The following HERC1 variants were observed in gnomAD, a reference collection of about 807,000 sequenced individuals.
HERC1 encodes HECT and RLD domain containing E3 ubiquitin protein ligase family member 1.
HERC1 carries 160 observed loss-of-function variants against 554.3 expected under a neutral mutation model. The ratio of observed to expected loss-of-function variants is 0.29; its 90% CI spans 0.25 to 0.33. HERC1 has a LOEUF of 0.33. Ranked by LOEUF, HERC1 falls within the 10% of genes least tolerant of loss-of-function variation. The pLI, the probability that HERC1 is intolerant of heterozygous loss-of-function variation, is 1.00. For missense variants in HERC1, 4,919 were observed against 5,918.5 expected, an observed-to-expected ratio of 0.83 and a Z score of 5.54; for synonymous variants, 2,175 against 2,131.7, an observed-to-expected ratio of 1.02 and a Z score of -0.56.
At chr15:63,665,882 A>C in intron 42 of HERC1, 37 bp downstream of exon 42, 1 of 1,487,046 alleles carries the variant, frequency 6.7e-7, no homozygotes, top group Non-Finnish European at 9.3e-7. Context: ...TGAAATTTAT[A>C]ACACATGGAA....
At chr15:63,753,376 T>C (rs2075313383) in intron 7 of HERC1, among the ~76,000 whole-genome samples, 2 of 152,226 alleles carry the variant, frequency 1.3e-5, no homozygotes, top group Non-Finnish European at 2.9e-5. Flanking sequence ...CCCCCTTTAA[T>C]GGCTATATTT....
chr15:63,620,828 T>C (rs1030489715), intron 74 of HERC1, among the ~76,000 whole-genome samples: 5 of 152,216 alleles, frequency 3.3e-5, no homozygotes, highest in Non-Finnish European at 7.3e-5. Flanking sequence ...CTGCCTTTTT[T>C]TGTTTTCCAT....
chr15:63,785,984 G>A (rs1331994853), intron 1 of HERC1, among the ~76,000 whole-genome samples: 2 of 152,036 alleles, frequency 1.3e-5, no homozygotes, highest in Non-Finnish European at 1.5e-5. Flanking sequence ...GGGATTACAG[G>A]TGTGAGCCAC....
intron 1 of HERC1, among the ~76,000 whole-genome samples, chr15:63,806,088 T>C (rs1391995369): frequency 6.6e-6 from 1 of 152,192 alleles, no homozygotes; most frequent in Non-Finnish European, 1.5e-5. Context: ...TTCCTGTTCA[T>C]TGCTAAAGCT....
At chr15:63,639,256 CTT>C (rs749577931) in intron 61 of HERC1, among the ~76,000 whole-genome samples, 61 of 152,334 alleles carry the variant, frequency 4.0e-4, no homozygotes, top group Non-Finnish European at 4.9e-4. Flanking sequence ...AAGATGGTCT[CTT>C]AAGATTATAA....
chr15:63,774,529 C>G (rs1473324730), intron 2 of HERC1, among the ~76,000 whole-genome samples, 165 bp downstream of exon 2: 1 of 152,172 alleles, frequency 6.6e-6, no homozygotes, highest in Non-Finnish European at 1.5e-5. Context: ...CATATATTAT[C>G]AACATGCATA....
Position 63,664,454 on chromosome 15 carries a change from C to G in HERC1, c.8680+16G>C. ...AAGATCTTTCACAAAGAAAAGGATACGGAACATAAAATTACCTGCTCTTGC... is the reference window on the plus strand; with the variant it reads ...AAGATCTTTCACAAAGAAAAGGATAGGGAACATAAAATTACCTGCTCTTGC... On this transcript the variant is annotated intron_variant, in intron 43 of 77. Transcript: ENST00000443617. The G allele has an allele frequency of 6.2e-7, 1 of 1,601,402 alleles. No homozygotes were observed.
intron 34 of HERC1, among the ~76,000 whole-genome samples, chr15:63,682,590 G>A (rs2071533728): frequency 6.6e-6 from 1 of 152,120 alleles, no homozygotes; most frequent in Non-Finnish European, 1.5e-5. Context: ...GGGCAAGAAA[G>A]CAAGAACCCC....
intron 77 of HERC1, 125 bp from the exon 78 acceptor site, chr15:63,609,391 G>T: frequency 6.0e-6 from 5 of 833,302 alleles, no homozygotes; most frequent in Non-Finnish European, 9.0e-6. Flanking sequence ...AAGTCAAGTG[G>T]ACACAGAGAC....
rs76062349 is a variant in HERC1, at chr15:63,630,271, G to A, written c.12966+195C>T. Among the ~76,000 whole-genome samples, 60 of 152,204 alleles carry A rather than the reference G, an allele frequency of 3.9e-4. No individual in the cohort carries two copies. The East Asian group carries it at 4.2e-3, about 11-fold the overall frequency. On this transcript the variant is annotated intron_variant, in intron 69 of 77. Coordinates refer to ENST00000443617, the MANE Select transcript of HERC1 (RefSeq NM_003922.4). ...TACTACCAGAATTGTTTTAAACCAT[G>A]GTATAATACTTCTTTGGCCGCAGTC... is the stretch of plus-strand genomic sequence containing the variant.
chr15:63,824,046 A>T (rs1046014302), intron 1 of HERC1, among the ~76,000 whole-genome samples: 13 of 152,164 alleles, frequency 8.5e-5, no homozygotes, highest in African/African-American at 3.1e-4. Context: ...CAACATCACT[A>T]ATCATCAGGG....
rs140819055 is a variant in HERC1 at position 63,718,121 on chromosome 15, C to CACACAT, written c.3978+452_3978+453insATGTGT. Among the ~76,000 whole-genome samples, 31,199 of 142,820 alleles carry CACACAT rather than the reference C, an allele frequency of 0.22. 3,983 individuals carry two copies. The highest frequency in any genetic ancestry group is 0.29 in the Middle Eastern group (82 of 280). 93.7% of individuals were successfully genotyped at this position (142,820 alleles called of 152,430 possible). A position where few individuals can be genotyped will look rare whatever the true frequency, so the allele number is the denominator to read the frequency against. On this transcript the variant is annotated intron_variant, in intron 21 of 77. Transcript: ENST00000443617. This position sits in a 1 kb window ranked among gnomAD's most constrained non-coding sequence, Gnocchi z 4.2. ...ACACACACACACACACACACACACA[C>CACACAT]ACAACCCCCTCCTTGGTTTTCACTT... is the stretch of plus-strand genomic sequence containing the variant.
intron 71 of HERC1, 78 bp downstream of exon 71, chr15:63,625,907 T>TG: frequency 6.9e-7 from 1 of 1,445,154 alleles, no homozygotes; most frequent in Non-Finnish European, 9.5e-7. Flanking sequence ...GGAAAGGCCC[T>TG]GGGGCCTGGC....
intron 16 of HERC1, among the ~76,000 whole-genome samples, chr15:63,728,405 G>A (rs1454330192): frequency 6.6e-6 from 1 of 152,268 alleles, no homozygotes; most frequent in East Asian, 1.9e-4. Flanking sequence ...GGGCAGAGAA[G>A]GTCATTCAGA....
At chr15:63,675,239 C>A in intron 37 of HERC1, 122 bp from the exon 38 acceptor site, 2 of 735,236 alleles carry the variant, frequency 2.7e-6, no homozygotes, top group Non-Finnish European at 4.2e-6. Context: ...ATAATTTACA[C>A]AAACTAGAGA....
intron 1 of HERC1, among the ~76,000 whole-genome samples, chr15:63,829,974 A>C (rs1200193653): frequency 6.6e-6 from 1 of 152,238 alleles, no homozygotes; most frequent in Non-Finnish European, 1.5e-5. Flanking sequence ...AGTGAGGGAA[A>C]GGGGACATCT....
At chr15:63,828,026 T>C (rs537516206) in intron 1 of HERC1, among the ~76,000 whole-genome samples, 65 of 152,104 alleles carry the variant, frequency 4.3e-4, no homozygotes, top group Admixed American at 2.9e-3. Context: ...GATGAAAGTG[T>C]TCCGGAATTA....
At chr15:63,687,943 T>C (rs1040758346) in intron 33 of HERC1, among the ~76,000 whole-genome samples, 1 of 152,200 alleles carries the variant, frequency 6.6e-6, no homozygotes, top group Non-Finnish European at 1.5e-5. Flanking sequence ...TTGCTTAGAC[T>C]ATAGTGAGCA....
chr15:63,780,714 T>C (rs1596237148), intron 1 of HERC1, among the ~76,000 whole-genome samples: 1 of 149,784 alleles, frequency 6.7e-6, no homozygotes, highest in African/African-American at 2.5e-5. Context: ...ACAATGAGAC[T>C]CCGTTTCAAA....
Sources: allele counts gnomAD v4.1 joint callset (sites outside exome capture counted in the v4.1 genomes callset), GRCh38; gene constraint gnomAD v4.1.1; non-coding constraint Gnocchi (gnomAD v3.1); transcripts MANE v1.5; gene names NCBI Gene and HGNC (gene_info 2026-07-23, HGNC 2026-07-21).